The following EMSY variants were observed in gnomAD, a reference collection of about 807,000 sequenced individuals.
EMSY encodes BRCA2-interacting transcriptional repressor EMSY.
A neutral mutation model predicts 134.6 loss-of-function variants in EMSY; 26 were observed. The observed-to-expected ratio is 0.19, with a 90% CI of 0.14 to 0.27. The LOEUF (loss-of-function observed/expected upper bound fraction) is 0.27, where lower values mean the gene tolerates loss of function less well. EMSY is among the 10% of genes least tolerant of loss of function. The pLI is 1.00. For missense variants in EMSY, 1,305 were observed against 1,611.4 expected (o/e 0.81, Z 3.26); for synonymous variants, 579 against 577.8 (o/e 1.00, Z -0.03).
At chr11:76,449,317 A>G (rs1029159762) in intron 2 of EMSY, among the ~76,000 whole-genome samples, 1 of 152,188 alleles carries the variant, frequency 6.6e-6, no homozygotes. Flanking sequence ...TCTTGTGAAG[A>G]GGAGGAAGTG....
At chr11:76,528,487 G>T in intron 14 of EMSY, 21 bp downstream of exon 15, 2 of 1,557,676 alleles carry the variant, frequency 1.3e-6, no homozygotes, top group South Asian at 2.3e-5. Flanking sequence ...TTTTACTTCT[G>T]ATTTATATAA....
intron 17 of EMSY, among the ~76,000 whole-genome samples, chr11:76,540,155 T>TA (rs960480502): frequency 4.6e-5 from 7 of 152,126 alleles, no homozygotes; most frequent in Non-Finnish European, 1.0e-4. Context: ...CACTTCTTAA[T>TA]AAAAAAATGC....
chr11:76,479,808 A>G (rs2135474263), intron 8 of EMSY, among the ~76,000 whole-genome samples: 1 of 152,366 alleles, frequency 6.6e-6, no homozygotes, highest in East Asian at 1.9e-4. Context: ...TGAAAAATAG[A>G]AATACACTGC....
chr11:76,515,388 T>C (rs1042018672), intron 10 of EMSY, among the ~76,000 whole-genome samples: 2 of 152,084 alleles, frequency 1.3e-5, no homozygotes, highest in African/African-American at 4.8e-5. Context: ...TGTAAGAAAC[T>C]ACAACAGACT....
chr11:76,548,912 T>G (rs2136904217), intron 20 of EMSY, among the ~76,000 whole-genome samples: 1 of 152,318 alleles, frequency 6.6e-6, no homozygotes, highest in Non-Finnish European at 1.5e-5. Context: ...TTATTGAGCC[T>G]CTTGCTGTGT....
rs145024612 is a variant in EMSY, at chr11:76,541,498, G to A, written c.2558-718G>A. 6.3e-3 allele frequency among the ~76,000 whole-genome samples: 956 copies of A among 152,258 alleles called. 1 individual carries two copies. The highest frequency in any genetic ancestry group is 0.01 in the Non-Finnish European group (689 of 68,024). ...GTCCTCTTCTAGGTAGAAACAGCAA[G>A]CCTTTATTATCCCATTAAAATAAAA... is the stretch of plus-strand genomic sequence containing the variant. On this transcript the variant is annotated intron_variant, in intron 17 of 20. Transcript: ENST00000334736.
exon 11 of EMSY, chr11:76,516,294 A>G (rs2136167055): frequency 6.2e-7 from 1 of 1,611,220 alleles, no homozygotes; most frequent in Non-Finnish European, 8.5e-7. Context: ...CAAGATAATT[A>G]GCAGTAATAT....
chr11:76,458,952 T>A (rs1451408785), intron 5 of EMSY: 1 of 152,198 alleles, frequency 6.6e-6, no homozygotes, highest in Non-Finnish European at 1.5e-5. Context: ...TGATGTTGCA[T>A]GACAATGACC....
intron 4 of EMSY, 75 bp from the exon 5 acceptor site, chr11:76,454,674 G>C: frequency 1.0e-6 from 1 of 977,054 alleles, no homozygotes; most frequent in Non-Finnish European, 1.5e-6. Context: ...GCAACTAGTT[G>C]TAAGTTGATG....
chr11:76,546,052 A>C (rs1951635774), exon 20 of EMSY: 2 of 1,614,104 alleles, frequency 1.2e-6, no homozygotes, highest in Non-Finnish European at 8.5e-7. Context: ...GGCTCTTGCC[A>C]CTAGCATGCT....
chr11:76,496,236 A>G, exon 9 of EMSY: 1 of 1,614,038 alleles, frequency 6.2e-7, no homozygotes, highest in Non-Finnish European at 8.5e-7. Context: ...TCAGCAATCA[A>G]AATGGCATCA....
chr11:76,518,849 T>G (rs1318792599), intron 11 of EMSY, among the ~76,000 whole-genome samples: 1 of 111,662 alleles, frequency 9.0e-6, no homozygotes, highest in Non-Finnish European at 2.0e-5. Flanking sequence ...AGGTTACTTA[T>G]AGGCTGTCTT....
At chr11:76,516,210 G>A (rs1439487592) in exon 11 of EMSY, 2 of 1,613,924 alleles carry the variant, frequency 1.2e-6, no homozygotes, top group Non-Finnish European at 1.7e-6. Flanking sequence ...AACCCCTGGA[G>A]CTGCAACCTA....
chr11:76,460,368 A>G (rs1948059323), intron 6 of EMSY: 2 of 283,408 alleles, frequency 7.1e-6, no homozygotes, highest in Non-Finnish European at 1.3e-5. Context: ...GTCATGAAAT[A>G]GAAATATTGT....
intron 9 of EMSY, among the ~76,000 whole-genome samples, chr11:76,507,132 A>C (rs1022394986): frequency 2.6e-5 from 4 of 152,234 alleles, no homozygotes; most frequent in Non-Finnish European, 1.5e-5. Flanking sequence ...ATTATGTCTA[A>C]AAAATGTACA....
chr11:76,491,701 A>T (rs1339338024), intron 8 of EMSY, among the ~76,000 whole-genome samples: 4 of 152,212 alleles, frequency 2.6e-5, no homozygotes, highest in Non-Finnish European at 5.9e-5. Flanking sequence ...AGCCCACTTT[A>T]TCCCACTTAG....
chr11:76,481,251 G>C (rs1590851535), intron 8 of EMSY, among the ~76,000 whole-genome samples: 2 of 152,082 alleles, frequency 1.3e-5, no homozygotes, highest in Admixed American at 1.3e-4. Context: ...CATCATGTTA[G>C]CCAGGATGGT....
chr11:76,482,523 TA>T (rs1372065897), intron 8 of EMSY, among the ~76,000 whole-genome samples: 7 of 152,192 alleles, frequency 4.6e-5, no homozygotes, highest in Non-Finnish European at 1.0e-4. Context: ...GGGGAATTGC[TA>T]ATTAGAATAA....
At chr11:76,477,842 T>C (rs540660984) in intron 8 of EMSY, among the ~76,000 whole-genome samples, 2 of 152,326 alleles carry the variant, frequency 1.3e-5, no homozygotes, top group East Asian at 3.9e-4. Context: ...TTATTCTGCC[T>C]GTTTCTTAGA....
Sources: gnomAD v4.1 joint callset for allele counts (sites outside exome capture counted in the v4.1 genomes callset) on GRCh38, gnomAD v4.1.1 for gene constraint, MANE v1.5 for transcripts, NCBI Gene and HGNC (gene_info 2026-07-23, HGNC 2026-07-21) for gene names.